Variants in ELMO1 observed in about 807,000 individuals in gnomAD.
ELMO1 encodes engulfment and cell motility protein 1.
Under a neutral mutation model 98.9 loss-of-function variants are expected in ELMO1, and 26 were observed. The observed-to-expected ratio is 0.26, with a 90% CI of 0.19 to 0.36. ELMO1 has a LOEUF of 0.36. ELMO1 is among the 10% of genes least tolerant of loss of function. The probability of loss-of-function intolerance (pLI) is 1.00; values close to 1 mark genes in which losing one functional copy is unlikely to be tolerated. For missense variants in ELMO1, 627 were observed against 935.2 expected (o/e 0.67, Z 4.30); for synonymous variants, 346 against 346.0 (o/e 1.00, Z 0.00).
At chr7:36,970,900 G>C (rs1562866522) in intron 16 of ELMO1, among the ~76,000 whole-genome samples, 1 of 152,214 alleles carries the variant, frequency 6.6e-6, no homozygotes, top group Non-Finnish European at 1.5e-5. Flanking sequence ...GCTCACATGA[G>C]GGAGACATGA....
intron 4 of ELMO1, among the ~76,000 whole-genome samples, chr7:37,314,452 T>C (rs1799047761): frequency 6.6e-6 from 1 of 152,192 alleles, no homozygotes; most frequent in African/African-American, 2.4e-5. Flanking sequence ...ACATACATAA[T>C]TCCACATTTG....
intron 14 of ELMO1, among the ~76,000 whole-genome samples, chr7:37,102,294 C>G (rs1026789928): frequency 4.6e-5 from 7 of 152,150 alleles, no homozygotes; most frequent in Non-Finnish European, 8.8e-5. Flanking sequence ...GAACCCTGAG[C>G]TGCCTCAAGG....
At chr7:37,225,885 C>G (rs1266041321) in intron 8 of ELMO1, among the ~76,000 whole-genome samples, 1 of 152,086 alleles carries the variant, frequency 6.6e-6, no homozygotes, top group Non-Finnish European at 1.5e-5. Flanking sequence ...CAATAAAAAG[C>G]CATTATTATA....
Position 36,855,474 on chromosome 7 carries a change from G to A in ELMO1, c.*77C>T, listed in dbSNP as rs866540184. ...CTTTACCAAAGGACGGTTCCAAGGCGTGGGTGTGTTTTCATTCCTCTCTCC... is the reference window on the plus strand; with the variant it reads ...CTTTACCAAAGGACGGTTCCAAGGCATGGGTGTGTTTTCATTCCTCTCTCC... On this transcript the variant is annotated 3_prime_UTR_variant, in exon 22 of 22. Transcript: ENST00000310758. This position sits in a 1 kb window ranked among gnomAD's most constrained non-coding sequence, Gnocchi z 4.2. The A allele has an allele frequency of 8.5e-5, 133 of 1,570,498 alleles. 1 individual carries two copies. Among genetic ancestry groups the A allele is most frequent in the Admixed American group, 5.7e-4 (34 of 59,662 alleles).
At chr7:37,217,683 C>T (rs183042497) in intron 10 of ELMO1, 2 of 456,886 alleles carry the variant, frequency 4.4e-6, no homozygotes, top group East Asian at 7.0e-5. Flanking sequence ...GCCCACTTTA[C>T]GCTAACAAAG....
At chr7:37,403,794 C>T (rs1443071518) in intron 1 of ELMO1, among the ~76,000 whole-genome samples, 1 of 152,178 alleles carries the variant, frequency 6.6e-6, no homozygotes, top group African/African-American at 2.4e-5. Context: ...GATCCTCTCA[C>T]CTCAGCCTCC....
Position 37,334,478 on chromosome 7 carries a change from G to A in ELMO1, c.78+8135C>T, listed in dbSNP as rs1447225313. On this transcript the variant is annotated intron_variant, in intron 2 of 21. Transcript: ENST00000310758. ...AAGAAAAAAACCAAAAAACTGCCTG[G>A]GTTTTGGTGTTATACAGTGCTGGAT... is the stretch of plus-strand genomic sequence containing the variant. 2.6e-5 allele frequency among the ~76,000 whole-genome samples: 4 copies of A among 152,216 alleles called. 1 individual carries two copies. The South Asian group carries it at 6.2e-4, about 24-fold the overall frequency.
At chr7:36,981,123 A>G (rs570158168) in intron 16 of ELMO1, among the ~76,000 whole-genome samples, 1 of 148,554 alleles carries the variant, frequency 6.7e-6, no homozygotes, top group Admixed American at 6.7e-5. Flanking sequence ...GAGCTAAGGG[A>G]AAGTTTAAGA....
At chr7:37,444,805 C>T (rs187212528) in intron 1 of ELMO1, among the ~76,000 whole-genome samples, 2 of 152,322 alleles carry the variant, frequency 1.3e-5, no homozygotes, top group South Asian at 2.1e-4. Flanking sequence ...TGAGCCACCG[C>T]GCCCGGCCAA....
At chr7:37,102,087 T>A (rs1412345341) in intron 14 of ELMO1, among the ~76,000 whole-genome samples, 1 of 152,154 alleles carries the variant, frequency 6.6e-6, no homozygotes, top group African/African-American at 2.4e-5. Flanking sequence ...CCCTTAGGAA[T>A]AGTATCAGGC....
At chr7:37,395,653 C>T (rs546968833) in intron 1 of ELMO1, among the ~76,000 whole-genome samples, 1 of 151,590 alleles carries the variant, frequency 6.6e-6, no homozygotes, top group Non-Finnish European at 1.5e-5. Flanking sequence ...AGATGAAAAC[C>T]CAGGGTTTGG....
chr7:37,330,467 A>G (rs540468651), intron 2 of ELMO1, among the ~76,000 whole-genome samples: 1 of 152,132 alleles, frequency 6.6e-6, no homozygotes, highest in African/African-American at 2.4e-5. Context: ...TTTTATTAAC[A>G]TATACAGTAG....
At chr7:37,354,727 GT>G in intron 1 of ELMO1, among the ~76,000 whole-genome samples, 1 of 152,318 alleles carries the variant, frequency 6.6e-6, no homozygotes, top group South Asian at 2.1e-4. Context: ...TGTGCAGACA[GT>G]CCCCAGTGGA....
At chr7:37,414,749 C>T (rs1312142588) in intron 1 of ELMO1, among the ~76,000 whole-genome samples, 1 of 152,200 alleles carries the variant, frequency 6.6e-6, no homozygotes, top group African/African-American at 2.4e-5. Context: ...TTTTCTGTTT[C>T]TTACCATCAA....
At chr7:36,983,292 G>A (rs1054574069) in intron 16 of ELMO1, among the ~76,000 whole-genome samples, 1 of 152,118 alleles carries the variant, frequency 6.6e-6, no homozygotes, top group Non-Finnish European at 1.5e-5. Context: ...TTTTGTGATG[G>A]GCTTTTTACT....
At chr7:36,873,973 T>G (rs562065101) in intron 19 of ELMO1, among the ~76,000 whole-genome samples, 1 of 152,258 alleles carries the variant, frequency 6.6e-6, no homozygotes, top group Non-Finnish European at 1.5e-5. Context: ...GGCAGAAATA[T>G]GAGGAGGTAC....
chr7:37,253,326 C>A (rs1203662342), intron 6 of ELMO1, among the ~76,000 whole-genome samples: 1 of 152,128 alleles, frequency 6.6e-6, no homozygotes, highest in East Asian at 1.9e-4. Context: ...TGCAACCAAC[C>A]CAAATGTCCA....
chr7:37,178,003 T>C (rs1426415073), intron 13 of ELMO1, among the ~76,000 whole-genome samples: 3 of 151,714 alleles, frequency 2.0e-5, no homozygotes, highest in Non-Finnish European at 4.4e-5. Flanking sequence ...TGATGGTTAA[T>C]TGTACATGTC....
At chr7:36,856,193 T>C (rs539164892) in intron 21 of ELMO1, among the ~76,000 whole-genome samples, 44 of 152,334 alleles carry the variant, frequency 2.9e-4, no homozygotes, top group African/African-American at 1.1e-3. Context: ...CTGACTCCAG[T>C]CATGGCTCCT....
Sources: gnomAD v4.1 joint callset for allele counts (sites outside exome capture counted in the v4.1 genomes callset) on GRCh38, gnomAD v4.1.1 for gene constraint, Gnocchi (gnomAD v3.1) non-coding constraint, MANE v1.5 for transcripts, NCBI Gene and HGNC (gene_info 2026-07-23, HGNC 2026-07-21) for gene names.